Variants in FCGR3B observed in about 807,000 individuals in gnomAD.
FCGR3B encodes the protein low affinity immunoglobulin gamma Fc region receptor III-B.
Under a neutral mutation model 26.7 loss-of-function variants are expected in FCGR3B, and 20 were observed. The observed-to-expected ratio is 0.75, with a 90% CI of 0.53 to 1.09. FCGR3B has a LOEUF of 1.09. Among genes scored for constraint, FCGR3B ranks in the 50% least tolerant of loss-of-function variants. FCGR3B has a pLI of 0.00. For missense variants in FCGR3B, 191 were observed against 279.7 expected, an observed-to-expected ratio of 0.68 and a Z score of 2.26; for synonymous variants, 79 against 107.0, an observed-to-expected ratio of 0.74 and a Z score of 1.62.
At chr1:161,624,770 T>C in intron 4 of FCGR3B, 131 bp from the exon 5 acceptor site, 2 of 915,976 alleles carry the variant, frequency 2.2e-6, no homozygotes, top group Non-Finnish European at 1.7e-6. Flanking sequence ...GGTGGGGAGG[T>C]CTGGGGGAAA....
In FCGR3B at chr1:161,624,469, C is replaced by A; in HGVS notation, c.*46G>T. On this transcript the variant is annotated 3_prime_UTR_variant, in exon 5 of 5. Coordinates refer to ENST00000650385, the MANE Select transcript of FCGR3B (RefSeq NM_001244753.2). ...GATGGGGGTCATGTGTCTTGAGGGT[C>A]CTTTCTCCATTTAAGTTTATGGTCC... The A allele has an allele frequency of 1.3e-6, 2 of 1,592,992 alleles. No individual in the cohort carries two copies. Among genetic ancestry groups the A allele is most frequent in the East Asian group, 4.5e-5 (2 of 44,650 alleles).
At chr1:161,627,410 A>G (rs768160594) in intron 3 of FCGR3B, among the ~76,000 whole-genome samples, 2 of 150,240 alleles carry the variant, frequency 1.3e-5, no homozygotes, top group Non-Finnish European at 3.0e-5. Flanking sequence ...GAGCAAAACT[A>G]AATTTACTGT....
At position 161,624,519 on chromosome 1, in the gene FCGR3B, A is replaced by G; in HGVS notation, c.698T>C (p.Ile233Thr). 6.2e-7 allele frequency: 1 copy of G among 1,607,044 alleles called. No homozygotes were observed. Among genetic ancestry groups the G allele is most frequent in the Non-Finnish European group, 8.5e-7 (1 of 1,176,938 alleles). Residue 233 changes from isoleucine to threonine, a missense_variant, in exon 5 of 5, where the codon ATT (isoleucine) becomes ACT (threonine). Physicochemically the swap from Ile to Thr is moderately conservative, Grantham distance 89. This residue lies in a region of FCGR3B where 103 missense variants were observed against 114.5 expected (regional missense o/e 0.90). Coordinates refer to ENST00000650385, the MANE Select transcript of FCGR3B (RefSeq NM_001244753.2). ...CTTCCAGTCTCTTGTTGAGCTTCAA[A>G]TGTTTGTCTTCACAGAGAAATATAG... is the stretch of plus-strand genomic sequence containing the variant. ...TGLYFSVKTN[I>T]
rs1040828713 is a variant in FCGR3B, at chr1:161,626,598, A to T, written c.320-196T>A. On this transcript the variant is annotated intron_variant, in intron 3 of 4. Coordinates refer to ENST00000650385, the MANE Select transcript of FCGR3B (RefSeq NM_001244753.2). ...GAAGTCATACCAAGACCTTTGTCTAATGGGGAAGAGGGACACACACACATG... is the reference window on the plus strand; with the variant it reads ...GAAGTCATACCAAGACCTTTGTCTATTGGGGAAGAGGGACACACACACATG... Among the ~76,000 whole-genome samples the T allele has an allele frequency of 4.7e-5, 7 of 148,028 alleles. 1 individual carries two copies. Among genetic ancestry groups the T allele is most frequent in the African/African-American group, 1.8e-4 (7 of 39,338 alleles).
At chr1:161,624,941 T>A (rs1296498920) in intron 4 of FCGR3B, among the ~76,000 whole-genome samples, 1 of 140,674 alleles carries the variant, frequency 7.1e-6, no homozygotes, top group Non-Finnish European at 1.6e-5. Context: ...TAAGAAATTG[T>A]CAGACAATGC....
chr1:161,628,203 G>A (rs1679566622), intron 3 of FCGR3B, among the ~76,000 whole-genome samples: 1 of 150,072 alleles, frequency 6.7e-6, no homozygotes, highest in Non-Finnish European at 1.5e-5. Context: ...AACCAGGGAG[G>A]TGGAGGTTGC....
At chr1:161,628,648 A>G (rs1176518504) in intron 3 of FCGR3B, among the ~76,000 whole-genome samples, 1 of 145,204 alleles carries the variant, frequency 6.9e-6, no homozygotes, top group Non-Finnish European at 1.5e-5. Context: ...AGCCACAAAA[A>G]TCAGTTTCAG....
At chr1:161,627,916 C>T (rs552364713) in intron 3 of FCGR3B, among the ~76,000 whole-genome samples, 1 of 150,080 alleles carries the variant, frequency 6.7e-6, no homozygotes, top group Admixed American at 6.7e-5. Context: ...AGTGCTACAA[C>T]AGGCTAAGAA....
In FCGR3B at chr1:161,629,858, G is replaced by T; in HGVS notation, c.239C>A (p.Thr80Lys). Residue 80 changes from threonine (T) to lysine (K), a missense_variant, in exon 3 of 5, where the codon ACA (threonine) becomes AAA (lysine). Around this residue, in one of 2 missense-constraint regions of FCGR3B, gnomAD observed 88 missense variants for 165.2 expected, o/e 0.53. Transcript: ENST00000650385. Reference sequence around the variant, plus strand: ...CCTGTACTCTCCACTGTCGTTGACTGTGGCAGCGTCAATGAAGTAGCTCGA... The same window carrying T: ...CCTGTACTCTCCACTGTCGTTGACTTTGGCAGCGTCAATGAAGTAGCTCGA... ...QASSYFIDAA[T>K]VNDSGEYRCQ... 1 of 1,480,792 alleles carries T rather than the reference G, an allele frequency of 6.8e-7. No homozygotes were observed. Among genetic ancestry groups the T allele is most frequent in the East Asian group, 3.0e-5 (1 of 33,276 alleles). 91.7% of individuals were successfully genotyped at this position (1,480,792 alleles called of 1,614,324 possible).
In FCGR3B at chr1:161,630,979, C is replaced by T. The variant is rs375192836; in HGVS notation, c.40+76G>A. The T allele has an allele frequency of 5.9e-5, 90 of 1,515,074 alleles. 6 individuals carry two copies. In the African/African-American group the frequency reaches 8.9e-4, roughly 15 times the overall value. The allele number at this position is 1,515,074 out of a possible 1,614,324, so 93.9% of individuals were successfully genotyped here. A position where few individuals can be genotyped will look rare whatever the true frequency, so the allele number is the denominator to read the frequency against. ...CCCATCCCTTTGTGGGAGTCTCATT[C>T]GTAGCCTGAAAAGGGGTGTCTGATG... On this transcript the variant is annotated intron_variant, in intron 1 of 4. Coordinates refer to ENST00000650385, the MANE Select transcript of FCGR3B (RefSeq NM_001244753.2).
rs1264904100 is a variant in FCGR3B, at chr1:161,630,364, T to C, written c.61+4A>G. The C allele has an allele frequency of 1.2e-6, 2 of 1,604,764 alleles. No individual in the cohort carries two copies. Among genetic ancestry groups the C allele is most frequent in the Admixed American group, 1.7e-5 (1 of 59,372 alleles). The stretch of plus-strand genomic sequence containing the variant: ...GTCAATCCAAGACCATGAAGCTGAC[T>C]CACCAGTCCGCATGCCAGCTGAAAC... On this transcript the variant is annotated splice_donor_region_variant and intron_variant, in intron 2 of 4. Transcript: ENST00000650385.
chr1:161,629,441 TA>T (rs1374122316), intron 3 of FCGR3B, among the ~76,000 whole-genome samples: 6 of 61,884 alleles, frequency 9.7e-5, no homozygotes, highest in Non-Finnish European at 1.5e-4. Flanking sequence ...AAAATAAAAT[TA>T]AAAAAAATGA....
intron 3 of FCGR3B, among the ~76,000 whole-genome samples, chr1:161,626,627 T>A (rs1248395332): frequency 1.3e-5 from 2 of 148,494 alleles, no homozygotes; most frequent in African/African-American, 5.1e-5. Context: ...ACACATGTGA[T>A]CAACACACAG....
intron 1 of FCGR3B, 105 bp from the exon 2 acceptor site, chr1:161,630,493 C>G: frequency 2.1e-6 from 2 of 947,768 alleles, no homozygotes; most frequent in Non-Finnish European, 3.2e-6. Context: ...GCCCCAGGAG[C>G]CCAATTTTCC....
intron 1 of FCGR3B, 41 bp from the exon 2 acceptor site, chr1:161,630,429 G>A: frequency 6.3e-7 from 1 of 1,588,994 alleles, no homozygotes; most frequent in Non-Finnish European, 8.6e-7. Flanking sequence ...AGTAGGGGCA[G>A]AGATCAGAGT....
At chr1:161,628,046 G>T (rs1189946269) in intron 3 of FCGR3B, among the ~76,000 whole-genome samples, 1 of 149,948 alleles carries the variant, frequency 6.7e-6, no homozygotes, top group East Asian at 1.9e-4. Flanking sequence ...GGCTGAAGTA[G>T]GCAGATCACG....
chr1:161,624,881 G>C (rs1444458595), intron 4 of FCGR3B, among the ~76,000 whole-genome samples: 2 of 146,208 alleles, frequency 1.4e-5, no homozygotes, highest in Non-Finnish European at 3.0e-5. Flanking sequence ...ACAGAGATGT[G>C]ACAGGGAGCG....
Position 161,631,028 on chromosome 1 carries a change from C to T in FCGR3B, c.40+27G>A, listed in dbSNP as rs756632998. On this transcript the variant is annotated intron_variant, in intron 1 of 4. Transcript: ENST00000650385. ...TGAACCCAAGGCATCTCAAACTTCT[C>T]CCTCAACCAGGGAGATCCTGACTTA... The T allele has an allele frequency of 3.9e-5, 63 of 1,598,058 alleles. 2 individuals are homozygous for T. Among genetic ancestry groups the T allele is most frequent in the Non-Finnish European group, 5.3e-5 (62 of 1,173,874 alleles).
Position 161,627,161 on chromosome 1 carries a change from A to T in FCGR3B, c.320-759T>A, listed in dbSNP as rs573995309. ...TGGTCGGGAAATGGCCTGAATAATT[A>T]AAAAAATAATGATGTTATAGGTAAG... On this transcript the variant is annotated intron_variant, in intron 3 of 4. Transcript: ENST00000650385. Among the ~76,000 whole-genome samples, 32 of 150,394 alleles carry T rather than the reference A, an allele frequency of 2.1e-4. 3 individuals are homozygous for T. The highest frequency in any genetic ancestry group is 7.6e-4 in the African/African-American group (31 of 40,534).
Sources: gnomAD v4.1 joint callset for allele counts (sites outside exome capture counted in the v4.1 genomes callset) on GRCh38, gnomAD v4.1.1 for gene constraint, gnomAD v4.1.1 regional missense constraint, MANE v1.5 for transcripts, NCBI Gene and HGNC (gene_info 2026-07-23, HGNC 2026-07-21) for gene names.